Variants in ZNF280A observed in about 807,000 individuals in gnomAD.
The protein encoded by ZNF280A is suppressor of hairy wing homolog 1.
Under a neutral mutation model 35.9 loss-of-function variants are expected in ZNF280A, and 26 were observed. The observed-to-expected ratio is 0.72, with a 90% CI of 0.53 to 1.01. The LOEUF (loss-of-function observed/expected upper bound fraction) is 1.01, where lower values mean the gene tolerates loss of function less well. ZNF280A is among the 50% of genes least tolerant of loss of function. The pLI is 0.00. For missense variants in ZNF280A, 654 were observed against 652.0 expected, an observed-to-expected ratio of 1.00 and a Z score of -0.03; for synonymous variants, 231 against 232.9, an observed-to-expected ratio of 0.99 and a Z score of 0.07.
intron 1 of ZNF280A, among the ~76,000 whole-genome samples, chr22:22,516,851 A>T (rs2062077535): frequency 6.6e-6 from 1 of 151,780 alleles, no homozygotes; most frequent in African/African-American, 2.4e-5. Flanking sequence ...GATTAACCCC[A>T]TCTGGGCTCC....
chr22:22,514,167 A>T lies in ZNF280A; in HGVS notation c.1464T>A (p.Ser488Arg). The T allele has an allele frequency of 6.2e-7, 1 of 1,613,854 alleles. No homozygotes were observed. Among genetic ancestry groups the T allele is most frequent in the South Asian group, 1.1e-5 (1 of 91,062 alleles). Residue 488 changes from serine (S) to arginine (R), a missense_variant, in exon 2 of 2, where the codon AGT (serine) becomes AGA (arginine). Coordinates refer to ENST00000302097, the MANE Select transcript of ZNF280A (RefSeq NM_080740.5). ...KKPEQLQGLPSETKVIIQTSV... is the reference protein window; with the variant it reads ...KKPEQLQGLPRETKVIIQTSV... Reference sequence around the variant, plus strand: ...AAGTTTGAATAATAACTTTTGTTTCACTAGGCAACCCTTGCAGTTGCTCCG... The same window carrying T: ...AAGTTTGAATAATAACTTTTGTTTCTCTAGGCAACCCTTGCAGTTGCTCCG...
At chr22:22,518,785 C>CAAAAAA (rs140976483) in intron 1 of ZNF280A, among the ~76,000 whole-genome samples, 2 of 115,766 alleles carry the variant, frequency 1.7e-5, no homozygotes, top group African/African-American at 3.1e-5. Flanking sequence ...GAGACTGTCT[C>CAAAAAA]AAAAAAAAAA....
At chr22:22,517,353 T>C (rs2062084252) in intron 1 of ZNF280A, among the ~76,000 whole-genome samples, 1 of 152,036 alleles carries the variant, frequency 6.6e-6, no homozygotes, top group South Asian at 2.1e-4. Context: ...TAGAGCAATG[T>C]CTGTCATACT....
At chr22:22,516,281 ACACACACAAATCACAG>A (rs1420902304) in intron 1 of ZNF280A, among the ~76,000 whole-genome samples, 2 of 132,420 alleles carry the variant, frequency 1.5e-5, no homozygotes, top group African/African-American at 3.3e-5. Context: ...ACAAACACAC[ACACACACAAATCACAG>A]CACACACACA....
intron 1 of ZNF280A, among the ~76,000 whole-genome samples, chr22:22,519,874 A>G (rs576478970): frequency 2.6e-5 from 4 of 151,994 alleles, no homozygotes; most frequent in Non-Finnish European, 4.4e-5. Flanking sequence ...CTTAAAATTT[A>G]TGTATTGCCT....
chr22:22,517,778 A>T (rs925761922), intron 1 of ZNF280A, among the ~76,000 whole-genome samples: 1 of 151,654 alleles, frequency 6.6e-6, no homozygotes, highest in African/African-American at 2.4e-5. Context: ...GACATATCTC[A>T]GATCCTTTTG....
rs745860379 is a variant in ZNF280A, at chr22:22,514,537, A to G, written c.1094T>C (p.Val365Ala). The G allele has an allele frequency of 2.5e-6, 4 of 1,613,956 alleles. 1 individual carries two copies. The African/African-American group carries it at 4.0e-5, about 16-fold the overall frequency. ...SVHIAMGPSAVCKICELSFET... is the reference protein window; with the variant it reads ...SVHIAMGPSAACKICELSFET... ...AAATGACAATTCACAGATTTTACAG[A>G]CAGCAGAGGGCCCCATGGCGATGTG... Residue 365 changes from valine (V) to alanine (A), a missense_variant, in exon 2 of 2, where the codon GTC (valine) becomes GCC (alanine). Transcript: ENST00000302097.
chr22:22,517,417 T>G (rs1251075626), intron 1 of ZNF280A, among the ~76,000 whole-genome samples: 1 of 151,984 alleles, frequency 6.6e-6, no homozygotes, highest in Non-Finnish European at 1.5e-5. Context: ...TATGATCATT[T>G]AGGTGTACCA....
rs571497606 is a variant in ZNF280A, at chr22:22,514,549, C to T, written c.1082G>A (p.Gly361Glu). ...CHIDSVHIAM[G>E]PSAVCKICEL... ...ACAGATTTTACAGACAGCAGAGGGCCCCATGGCGATGTGTACACTATCAAT... is the reference window on the plus strand; with the variant it reads ...ACAGATTTTACAGACAGCAGAGGGCTCCATGGCGATGTGTACACTATCAAT... The change falls in exon 2 of 2, where the codon GGG becomes GAG. Residue 361 changes from glycine (G) to glutamate (E), a missense_variant. Coordinates refer to ENST00000302097, the MANE Select transcript of ZNF280A (RefSeq NM_080740.5). 1.9e-5 allele frequency: 31 copies of T among 1,613,862 alleles called. No homozygotes were observed. The highest frequency in any genetic ancestry group is 2.6e-5 in the Non-Finnish European group (31 of 1,179,974).
In ZNF280A at chr22:22,514,145, T is replaced by C. The variant is rs745483334; in HGVS notation, c.1486A>G (p.Thr496Ala). 19 of 1,613,716 alleles carry C rather than the reference T, an allele frequency of 1.2e-5. No individual in the cohort carries two copies. Among genetic ancestry groups the C allele is most frequent in the Non-Finnish European group, 1.6e-5 (19 of 1,179,972 alleles). Residue 496 changes from threonine to alanine, a missense_variant, in exon 2 of 2, where the codon ACT becomes GCT. Transcript: ENST00000302097. ...CCACTTGATCCTGGCTGAACTGAAGTTTGAATAATAACTTTTGTTTCACTA... is the reference window on the plus strand; with the variant it reads ...CCACTTGATCCTGGCTGAACTGAAGCTTGAATAATAACTTTTGTTTCACTA... Reference protein sequence around the residue: ...LPSETKVIIQTSVQPGSSGMA... With the variant: ...LPSETKVIIQASVQPGSSGMA...
At position 22,514,706 on chromosome 22, in the gene ZNF280A, T is replaced by G. The variant is rs777881115; in HGVS notation, c.925A>C (p.Asn309His). The change falls in exon 2 of 2, where the codon AAT becomes CAT. Residue 309 changes from asparagine to histidine, a missense_variant. Coordinates refer to ENST00000302097, the MANE Select transcript of ZNF280A (RefSeq NM_080740.5). ...TTCATGTGATTCATAAACTTAATAT[T>G]TTTTAGAACTTTCACGCAGCTGAGG... is the stretch of plus-strand genomic sequence containing the variant. ...KCLSCVKVLK[N>H]IKFMNHMKHH... is the part of the protein sequence containing the mutation. 4.3e-6 allele frequency: 7 copies of G among 1,613,898 alleles called. No individual in the cohort carries two copies. Among genetic ancestry groups the G allele is most frequent in the Non-Finnish European group, 5.9e-6 (7 of 1,179,974 alleles).
Position 22,513,948 on chromosome 22 carries a change from G to T in ZNF280A, c.*54C>A. On this transcript the variant is annotated 3_prime_UTR_variant, in exon 2 of 2. Transcript: ENST00000302097. ...GCATCTACAGCCACAATGCACATAT[G>T]GCCTAGCCTCACTTCTGCCTTTCGG... 9.9e-7 allele frequency: 1 copy of T among 1,013,792 alleles called. No homozygotes were observed. Among genetic ancestry groups the T allele is most frequent in the Non-Finnish European group, 1.5e-6 (1 of 669,554 alleles). The allele number at this position is 1,013,792 out of a possible 1,614,324, so 62.8% of individuals were successfully genotyped here.
Position 22,515,377 on chromosome 22 carries a change from T to A in ZNF280A, c.254A>T (p.His85Leu). 1 of 1,613,926 alleles carries A rather than the reference T, an allele frequency of 6.2e-7. No individual in the cohort carries two copies. ...KKGHFRQYPA[H>L]VSQPANHVTS... is the part of the protein sequence containing the mutation. ...CACATGATTTGCAGGCTGCGACACGTGAGCAGGATATTGACGGAAGTGGCC... is the reference window on the plus strand; with the variant it reads ...CACATGATTTGCAGGCTGCGACACGAGAGCAGGATATTGACGGAAGTGGCC... The change falls in exon 2 of 2, where the codon CAC (histidine) becomes CTC (leucine). Residue 85 changes from histidine to leucine, a missense_variant. Transcript: ENST00000302097.
chr22:22,514,053 C>A lies in ZNF280A; in HGVS notation c.1578G>T (p.Thr526=), dbSNP rs1341504675. The part of the protein sequence containing the change: ...QSSPVKTKKK[T]AMNTRDSRLP... ...GTCTGGAATCTCTAGTGTTCATAGCCGTCTTCTTTTTAGTTTTTACAGGAG... is the reference window on the plus strand; with the variant it reads ...GTCTGGAATCTCTAGTGTTCATAGCAGTCTTCTTTTTAGTTTTTACAGGAG... Residue 526 remains threonine (T), a synonymous_variant, in exon 2 of 2, where the codon ACG becomes ACT. Transcript: ENST00000302097. 6.8e-6 allele frequency: 11 copies of A among 1,607,788 alleles called. No individual in the cohort carries two copies. In the South Asian group the frequency reaches 1.2e-4, roughly 18 times the overall value.
At chr22:22,518,353 A>C (rs1416162859) in intron 1 of ZNF280A, among the ~76,000 whole-genome samples, 3 of 152,012 alleles carry the variant, frequency 2.0e-5, no homozygotes, top group Non-Finnish European at 4.4e-5. Context: ...TAAGACAGAA[A>C]TTGGAAAATT....
In ZNF280A at chr22:22,513,973, G is replaced by A; in HGVS notation, c.*29C>T. ...GGCCTAGCCTCACTTCTGCCTTTCG[G>A]AACTCCTGGAAGTCAGTCGAACATA... is the stretch of plus-strand genomic sequence containing the variant. On this transcript the variant is annotated 3_prime_UTR_variant, in exon 2 of 2. Transcript: ENST00000302097. 1 of 1,297,804 alleles carries A rather than the reference G, an allele frequency of 7.7e-7. No individual in the cohort carries two copies. The highest frequency in any genetic ancestry group is 1.3e-5 in the South Asian group (1 of 74,620). The allele number at this position is 1,297,804 out of a possible 1,614,324, so 80.4% of individuals were successfully genotyped here.
Position 22,513,991 on chromosome 22 carries a change from C to T in ZNF280A, c.*11G>A, listed in dbSNP as rs765165255. On this transcript the variant is annotated 3_prime_UTR_variant, in exon 2 of 2. Transcript: ENST00000302097. The stretch of plus-strand genomic sequence containing the variant: ...CCTTTCGGAACTCCTGGAAGTCAGT[C>T]GAACATATTTTCAGCTAGAATCCTT... 15 of 1,461,836 alleles carry T rather than the reference C, an allele frequency of 1.0e-5. No individual in the cohort carries two copies. Among genetic ancestry groups the T allele is most frequent in the African/African-American group, 2.8e-5 (2 of 70,616 alleles). The allele number at this position is 1,461,836 out of a possible 1,614,324, so 90.6% of individuals were successfully genotyped here. A position where few individuals can be genotyped will look rare whatever the true frequency, so the allele number is the denominator to read the frequency against.
chr22:22,516,601 T>TA lies in ZNF280A; in HGVS notation c.-71-901dup. 3.3e-5 allele frequency among the ~76,000 whole-genome samples: 5 copies of TA among 152,042 alleles called. No individual in the cohort carries two copies. In the Middle Eastern group the frequency reaches 0.017, roughly 532 times the overall value. On this transcript the variant is annotated intron_variant, in intron 1 of 1. Transcript: ENST00000302097. The stretch of plus-strand genomic sequence containing the variant: ...CCCATGGTGGCCCCAATGCCCCTGT[T>TA]AAAATATACAGGGGAGCAAGTATAT...
intron 1 of ZNF280A, among the ~76,000 whole-genome samples, chr22:22,516,292 T>TAACACACA (rs2062069742): frequency 3.4e-5 from 2 of 59,690 alleles, no homozygotes; most frequent in Non-Finnish European, 6.0e-5. Flanking sequence ...CACACACAAA[T>TAACACACA]CACAGCACAC....
Sources: allele counts gnomAD v4.1 joint callset (sites outside exome capture counted in the v4.1 genomes callset), GRCh38; gene constraint gnomAD v4.1.1; transcripts MANE v1.5; gene names NCBI Gene and HGNC (gene_info 2026-07-23, HGNC 2026-07-21).